RALGPS1: variants seen among roughly 807,000 people sequenced by gnomAD.
The protein encoded by RALGPS1 is Ral GEF with PH domain and SH3 binding motif 1, also known as ras-specific guanine nucleotide-releasing factor RalGPS1.
RALGPS1 carries 19 observed loss-of-function variants against 78.8 expected under a neutral mutation model. The observed-to-expected ratio is 0.24, with a 90% CI of 0.17 to 0.35. The LOEUF is 0.35. Among genes scored for constraint, RALGPS1 ranks in the 10% least tolerant of loss-of-function variants. The pLI is 1.00. For synonymous variants in RALGPS1, 228 were observed against 256.3 expected, an observed-to-expected ratio of 0.89 and a Z score of 1.06; for missense variants, 454 against 688.3, an observed-to-expected ratio of 0.66 and a Z score of 3.81.
At chr9:127,097,293 A>G (rs2053239070) in intron 8 of RALGPS1, among the ~76,000 whole-genome samples, 1 of 152,196 alleles carries the variant, frequency 6.6e-6, no homozygotes, top group African/African-American at 2.4e-5. Context: ...CAAACGGGGT[A>G]ATTCTTTTAA....
Position 127,212,257 on chromosome 9 carries a change from A to G in RALGPS1, c.1353+21A>G. 1 of 1,574,440 alleles carries G rather than the reference A, an allele frequency of 6.4e-7. No individual in the cohort carries two copies. The highest frequency in any genetic ancestry group is 8.7e-7 in the Non-Finnish European group (1 of 1,152,098). ...CTGCGGTAAGTACAGACCCACATCCACCGGGGCAGCAGGGGCTTCCACATC... is the reference window on the plus strand; with the variant it reads ...CTGCGGTAAGTACAGACCCACATCCGCCGGGGCAGCAGGGGCTTCCACATC... On this transcript the variant is annotated intron_variant, in intron 15 of 18. Transcript: ENST00000259351. The surrounding 1 kb of genome is among the most constrained non-coding windows in gnomAD (Gnocchi z 6.0).
In RALGPS1 at chr9:127,201,756, T is replaced by C. The variant is rs1352780946; in HGVS notation, c.1247+2690T>C. ...CCCAGGCCAAATCCTCCTACTCTAA[T>C]GGGGAGCAGACTCCCTCTCCCTCAG... On this transcript the variant is annotated intron_variant, in intron 14 of 18. Transcript: ENST00000259351. 2.0e-5 allele frequency among the ~76,000 whole-genome samples: 3 copies of C among 152,236 alleles called. No individual in the cohort carries two copies. The East Asian group carries it at 5.8e-4, about 29-fold the overall frequency.
chr9:127,138,584 T>C (rs1289940326), intron 8 of RALGPS1, among the ~76,000 whole-genome samples: 1 of 151,526 alleles, frequency 6.6e-6, no homozygotes, highest in African/African-American at 2.4e-5. Flanking sequence ...TAGAAGAAAC[T>C]CCTGGAAAGA....
At chr9:126,982,928 C>CTTTTTTT (rs71377984) in intron 4 of RALGPS1, among the ~76,000 whole-genome samples, 7 of 34,628 alleles carry the variant, frequency 2.0e-4, no homozygotes, top group East Asian at 1.3e-3. Flanking sequence ...TCTTCTTCTT[C>CTTTTTTT]TTTTTTTTTT....
At chr9:127,217,012 C>A in intron 18 of RALGPS1, 2 of 1,518,238 alleles carry the variant, frequency 1.3e-6, no homozygotes, top group South Asian at 2.5e-5. Flanking sequence ...AGCCTGGGCA[C>A]CATGGTGGCC....
At chr9:127,085,389 G>T (rs1411652260) in intron 8 of RALGPS1, among the ~76,000 whole-genome samples, 1 of 152,148 alleles carries the variant, frequency 6.6e-6, no homozygotes, top group Non-Finnish European at 1.5e-5. Flanking sequence ...AGGATGGTCT[G>T]GTTGGCAAGA....
chr9:127,080,384 A>G (rs190714154), intron 8 of RALGPS1, among the ~76,000 whole-genome samples: 1 of 152,370 alleles, frequency 6.6e-6, no homozygotes, highest in Admixed American at 6.5e-5. Flanking sequence ...TAAAGTAAAA[A>G]GTGAATGTGC....
At chr9:127,145,782 C>T (rs1239293014) in intron 8 of RALGPS1, among the ~76,000 whole-genome samples, 1 of 152,236 alleles carries the variant, frequency 6.6e-6, no homozygotes, top group African/African-American at 2.4e-5. Context: ...CCTAGCCCTG[C>T]CACTTACCAG....
At chr9:127,111,540 C>G (rs146586727) in intron 8 of RALGPS1, among the ~76,000 whole-genome samples, 11 of 152,216 alleles carry the variant, frequency 7.2e-5, no homozygotes, top group Non-Finnish European at 1.3e-4. Flanking sequence ...TAGATTGGGG[C>G]AGGGATCCCA....
chr9:127,217,217 C>T (rs2062634356), intron 18 of RALGPS1: 1 of 1,223,080 alleles, frequency 8.2e-7, no homozygotes, highest in Non-Finnish European at 1.0e-6. Flanking sequence ...GGATTTTTGT[C>T]TGATTTTCAG....
intron 11 of RALGPS1, among the ~76,000 whole-genome samples, chr9:127,190,145 A>ACTG (rs560720632): frequency 1.3e-5 from 2 of 152,072 alleles, no homozygotes; most frequent in Non-Finnish European, 2.9e-5. Context: ...CCCTACAGTT[A>ACTG]CTGCTGTGCT....
intron 1 of RALGPS1, among the ~76,000 whole-genome samples, chr9:126,920,068 T>C (rs772017254): frequency 6.6e-6 from 1 of 152,198 alleles, no homozygotes; most frequent in African/African-American, 2.4e-5. Context: ...TGTTATTGCA[T>C]GTGTGACTTT....
At chr9:127,105,002 C>T (rs1445533702) in intron 8 of RALGPS1, among the ~76,000 whole-genome samples, 4 of 152,072 alleles carry the variant, frequency 2.6e-5, no homozygotes, top group Admixed American at 6.5e-5. Context: ...GCAGAGAGAC[C>T]ATCTGTTTTT....
intron 3 of RALGPS1, among the ~76,000 whole-genome samples, chr9:126,975,490 T>C (rs993687301): frequency 2.0e-5 from 3 of 152,236 alleles, no homozygotes; most frequent in African/African-American, 7.2e-5. Context: ...TTCTCCCGGA[T>C]AGGGTGTTAA....
intron 5 of RALGPS1, among the ~76,000 whole-genome samples, chr9:127,049,628 A>C (rs149681627): frequency 1.3e-5 from 2 of 152,106 alleles, no homozygotes; most frequent in Non-Finnish European, 2.9e-5. Context: ...ACCAATATAC[A>C]TGTCCCTTTG....
chr9:127,053,898 C>G (rs1385298380), intron 7 of RALGPS1, among the ~76,000 whole-genome samples: 1 of 152,202 alleles, frequency 6.6e-6, no homozygotes, highest in Non-Finnish European at 1.5e-5. Flanking sequence ...GGTTTGCATT[C>G]AGGTGCCATT....
At chr9:127,075,806 T>C (rs2050623094) in intron 8 of RALGPS1, among the ~76,000 whole-genome samples, 1 of 152,268 alleles carries the variant, frequency 6.6e-6, no homozygotes, top group Non-Finnish European at 1.5e-5. Context: ...ACAATTCTTT[T>C]AACCCTCTGT....
chr9:126,981,755 A>G (rs1242224545), intron 4 of RALGPS1, among the ~76,000 whole-genome samples: 1 of 152,222 alleles, frequency 6.6e-6, no homozygotes, highest in African/African-American at 2.4e-5. Context: ...TGATTACTGT[A>G]TTAGTCCTCT....
At chr9:126,975,442 G>T (rs548220195) in intron 3 of RALGPS1, among the ~76,000 whole-genome samples, 4 of 152,292 alleles carry the variant, frequency 2.6e-5, no homozygotes, top group African/African-American at 9.6e-5. Flanking sequence ...GCAGACGTTT[G>T]GTTCTTTTCC....
Sources: gnomAD v4.1 joint callset for allele counts (sites outside exome capture counted in the v4.1 genomes callset) on GRCh38, gnomAD v4.1.1 for gene constraint, Gnocchi (gnomAD v3.1) non-coding constraint, MANE v1.5 for transcripts, NCBI Gene and HGNC (gene_info 2026-07-23, HGNC 2026-07-21) for gene names.